The following SLC18A2 variants were observed in gnomAD, a reference collection of about 807,000 sequenced individuals.
SLC18A2 encodes the protein synaptic vesicular amine transporter.
SLC18A2 carries 33 observed loss-of-function variants against 59.2 expected under a neutral mutation model. The ratio of observed to expected loss-of-function variants is 0.56; its 90% CI spans 0.42 to 0.75. The LOEUF (loss-of-function observed/expected upper bound fraction) is 0.75. Among genes scored for constraint, SLC18A2 ranks in the 30% least tolerant of loss-of-function variants. The pLI, the probability that SLC18A2 is intolerant of heterozygous loss-of-function variation, is 0.00. For missense variants in SLC18A2, 569 were observed against 668.6 expected, an observed-to-expected ratio of 0.85 and a Z score of 1.64; for synonymous variants, 228 against 253.5, an observed-to-expected ratio of 0.90 and a Z score of 0.95.
intron 3 of SLC18A2, among the ~76,000 whole-genome samples, chr10:117,244,849 G>A (rs1844095086): frequency 1.3e-5 from 2 of 152,246 alleles, no homozygotes; most frequent in Admixed American, 6.5e-5. Flanking sequence ...TGATGCCGAG[G>A]TCATGGGCTG....
At chr10:117,259,417 C>A (rs1844267488) in intron 10 of SLC18A2, among the ~76,000 whole-genome samples, 1 of 152,172 alleles carries the variant, frequency 6.6e-6, no homozygotes. Flanking sequence ...TTCCCCATCA[C>A]CCCAGCATCT....
chr10:117,246,379 G>C (rs1383112444), intron 3 of SLC18A2, among the ~76,000 whole-genome samples: 6 of 152,180 alleles, frequency 3.9e-5, no homozygotes, highest in Admixed American at 2.6e-4. Flanking sequence ...CTTATGCCAT[G>C]GGGAAGAGGC....
chr10:117,248,434 A>C (rs1844131734), intron 3 of SLC18A2, among the ~76,000 whole-genome samples: 2 of 152,114 alleles, frequency 1.3e-5, no homozygotes, highest in South Asian at 4.1e-4. Context: ...AGGTGGCAAA[A>C]ACCTTTGATT....
At position 117,255,523 on chromosome 10, in the gene SLC18A2, G is replaced by A. The variant is rs1459892136; in HGVS notation, c.834+1G>A. 1.2e-6 allele frequency: 2 copies of A among 1,614,148 alleles called. No individual in the cohort carries two copies. Among genetic ancestry groups the A allele is most frequent in the South Asian group, 2.2e-5 (2 of 91,088 alleles). ...CCAGCCGTCCCGGGTGCAGCCAGAG[G>A]TAAGCGGCTGGGAATGAGGGCCCTG... On this transcript the variant is annotated splice_donor_variant, in intron 8 of 15. Transcript: ENST00000644641. LOFTEE classifies it high-confidence loss of function.
At chr10:117,264,204 G>A (rs1482710827) in intron 10 of SLC18A2, among the ~76,000 whole-genome samples, 1 of 152,236 alleles carries the variant, frequency 6.6e-6, no homozygotes, top group African/African-American at 2.4e-5. Flanking sequence ...TGTGAGCAGA[G>A]ATATGTGAAG....
intron 3 of SLC18A2, among the ~76,000 whole-genome samples, chr10:117,252,068 C>T (rs1439996661): frequency 7.3e-5 from 11 of 150,712 alleles, no homozygotes; most frequent in Non-Finnish European, 5.9e-5. Context: ...AAGCAATTCT[C>T]GTGCCTCAGC....
chr10:117,245,791 A>T (rs1348642277), intron 3 of SLC18A2, among the ~76,000 whole-genome samples: 1 of 152,046 alleles, frequency 6.6e-6, no homozygotes, highest in Non-Finnish European at 1.5e-5. Context: ...TTCCGCCAGC[A>T]CAAGCTGCCT....
chr10:117,259,887 CTT>C (rs1565005698), intron 10 of SLC18A2, among the ~76,000 whole-genome samples: 1 of 152,186 alleles, frequency 6.6e-6, no homozygotes, highest in Non-Finnish European at 1.5e-5. Flanking sequence ...TGGGGAGACT[CTT>C]TGTATTATTA....
intron 12 of SLC18A2, 60 bp from the exon 13 acceptor site, chr10:117,267,613 C>A: frequency 1.5e-6 from 2 of 1,305,544 alleles, no homozygotes; most frequent in South Asian, 1.4e-5. Context: ...CAAGACTTTC[C>A]GAGATGATTT....
intron 15 of SLC18A2, among the ~76,000 whole-genome samples, chr10:117,276,072 C>T (rs1286850189): frequency 6.6e-6 from 1 of 151,118 alleles, no homozygotes; most frequent in Non-Finnish European, 1.5e-5. Flanking sequence ...AGGAAGATCA[C>T]TTGAGCCCAG....
intron 4 of SLC18A2, 96 bp downstream of exon 4, chr10:117,253,553 G>A (rs534508548): frequency 7.6e-5 from 27 of 353,100 alleles, no homozygotes; most frequent in African/African-American, 3.5e-4. Context: ...TAAGGACGGC[G>A]GGGGGGCGGG....
Position 117,254,411 on chromosome 10 carries a change from G to A in SLC18A2, c.614G>A (p.Gly205Asp). The change falls in exon 6 of 16, where the codon GGC becomes GAC. Residue 205 changes from glycine (G) to aspartate (D), a missense_variant. Physicochemically the swap from Gly to Asp is moderately conservative, Grantham distance 94 (BLOSUM62 -1). Transcript: ENST00000644641. Reference protein sequence around the residue: ...GSSCSSVAGMGMLASVYTDDE... With the variant: ...GSSCSSVAGMDMLASVYTDDE... ...TATTTCTTTCCCTGTGTAGGGATGG[G>A]CATGCTTGCCAGTGTCTACACAGAT... 6.3e-7 allele frequency: 1 copy of A among 1,589,314 alleles called. No homozygotes were observed. The highest frequency in any genetic ancestry group is 8.6e-7 in the Non-Finnish European group (1 of 1,166,706).
intron 10 of SLC18A2, among the ~76,000 whole-genome samples, chr10:117,258,780 T>G (rs1289314023): frequency 6.6e-6 from 1 of 151,242 alleles, no homozygotes; most frequent in African/African-American, 2.4e-5. Context: ...TTTTTTTTTT[T>G]TTTTGAGACA....
intron 15 of SLC18A2, among the ~76,000 whole-genome samples, chr10:117,272,318 A>C (rs1346800628): frequency 6.6e-6 from 1 of 152,154 alleles, no homozygotes; most frequent in East Asian, 1.9e-4. Context: ...TCCTTTTGCT[A>C]TACAGACCCC....
chr10:117,265,364 A>C (rs1844337185), intron 10 of SLC18A2, among the ~76,000 whole-genome samples: 1 of 151,658 alleles, frequency 6.6e-6, no homozygotes, highest in African/African-American at 2.4e-5. Flanking sequence ...GATGAGAAGG[A>C]CCTCCAGGCC....
intron 15 of SLC18A2, among the ~76,000 whole-genome samples, chr10:117,271,639 A>G (rs1844429237): frequency 6.6e-6 from 1 of 152,128 alleles, no homozygotes. Context: ...AATAACTCAG[A>G]CAGAAGCCAT....
chr10:117,259,209 A>G lies in SLC18A2; in HGVS notation c.991+1317A>G, dbSNP rs370752723. Among the ~76,000 whole-genome samples the G allele has an allele frequency of 6.6e-5, 10 of 152,232 alleles. 1 individual carries two copies. The East Asian group carries it at 1.2e-3, about 18-fold the overall frequency. ...TGATTAATTTCCTTTCTTTTTGCAA[A>G]TTTAATTTTCCTGGAGTTAGTCGTT... On this transcript the variant is annotated intron_variant, in intron 10 of 15. Transcript: ENST00000644641.
At chr10:117,273,024 G>A (rs572090955) in intron 15 of SLC18A2, among the ~76,000 whole-genome samples, 19 of 152,232 alleles carry the variant, frequency 1.2e-4, no homozygotes, top group Non-Finnish European at 1.9e-4. Flanking sequence ...AGGGCCAGAA[G>A]GCATACGACC....
intron 15 of SLC18A2, among the ~76,000 whole-genome samples, chr10:117,272,683 C>T (rs1270559909): frequency 1.3e-5 from 2 of 152,182 alleles, no homozygotes; most frequent in African/African-American, 2.4e-5. Context: ...TTAATAAGCA[C>T]CTAGCAAGAT....
Sources: gnomAD v4.1 joint callset for allele counts (sites outside exome capture counted in the v4.1 genomes callset) on GRCh38, gnomAD v4.1.1 for gene constraint, MANE v1.5 for transcripts, NCBI Gene and HGNC (gene_info 2026-07-23, HGNC 2026-07-21) for gene names.